C12orf42: variants seen among roughly 807,000 people sequenced by gnomAD.
C12orf42 encodes uncharacterized protein C12orf42.
A neutral mutation model predicts 21.6 loss-of-function variants in C12orf42; 25 were observed. That is an observed-to-expected ratio of 1.16 (90% CI 0.84 to 1.62). The LOEUF (loss-of-function observed/expected upper bound fraction) is 1.62. Among genes scored for constraint, C12orf42 ranks in the 40% most tolerant of loss-of-function variants. The probability of loss-of-function intolerance (pLI) is 0.00; values close to 1 mark genes in which losing one functional copy is unlikely to be tolerated. For missense variants in C12orf42, 483 were observed against 459.3 expected (o/e 1.05, Z -0.47); for synonymous variants, 174 against 175.0 (o/e 0.99, Z 0.05).
At chr12:103,182,283 G>A in the C12orf42 span, among the ~76,000 whole-genome samples, 1 of 152,098 alleles carries the variant, frequency 6.6e-6, no homozygotes, top group Non-Finnish European at 1.5e-5. Flanking sequence ...GCATTTATTG[G>A]TCTTTTAAGG....
At chr12:103,205,194 C>G in the C12orf42 span, among the ~76,000 whole-genome samples, 3 of 152,106 alleles carry the variant, frequency 2.0e-5, no homozygotes, top group African/African-American at 7.2e-5. Context: ...ATAAGCTGTT[C>G]GATGTTATCT....
chr12:103,461,666 T>C (rs1952710344), intron 2 of C12orf42, among the ~76,000 whole-genome samples: 2 of 152,316 alleles, frequency 1.3e-5, no homozygotes, highest in East Asian at 3.9e-4. Context: ...TGATTAGCTG[T>C]GTGACCTGGA....
At chr12:103,059,001 A>C in the C12orf42 span, among the ~76,000 whole-genome samples, 2 of 152,160 alleles carry the variant, frequency 1.3e-5, no homozygotes, top group African/African-American at 4.8e-5. Context: ...GGAGATAGAG[A>C]CATGAAAAAC....
the C12orf42 span, among the ~76,000 whole-genome samples, chr12:103,196,671 A>T: frequency 2.0e-5 from 3 of 151,974 alleles, no homozygotes; most frequent in African/African-American, 7.3e-5. Flanking sequence ...TTATTACGCA[A>T]TACCCTTATT....
the C12orf42 span, among the ~76,000 whole-genome samples, chr12:103,177,547 G>C: frequency 5.3e-5 from 8 of 152,140 alleles, no homozygotes; most frequent in African/African-American, 1.7e-4. Context: ...GTTCTATATG[G>C]GGGAAAGAAA....
At chr12:103,324,651 C>T (rs1415890502) in intron 4 of C12orf42, among the ~76,000 whole-genome samples, 1 of 152,144 alleles carries the variant, frequency 6.6e-6, no homozygotes, top group Non-Finnish European at 1.5e-5. Flanking sequence ...CTATTCATTT[C>T]CATAAAAATA....
In C12orf42 at chr12:103,309,724, T is replaced by C. The variant is rs2038770278; in HGVS notation, c.260-3379A>G. 3.3e-5 allele frequency among the ~76,000 whole-genome samples: 5 copies of C among 152,256 alleles called. No individual in the cohort carries two copies. In the South Asian group the frequency reaches 1.0e-3, roughly 31 times the overall value. Reference sequence around the variant, plus strand: ...GGAAAAAGTTAGAGTTCTTGATTTCTACCAGGTAGAAGCAACCGTGCTGGA... The same window carrying C: ...GGAAAAAGTTAGAGTTCTTGATTTCCACCAGGTAGAAGCAACCGTGCTGGA... On this transcript the variant is annotated intron_variant, in intron 4 of 5. Coordinates refer to ENST00000548883, the MANE Select transcript of C12orf42 (RefSeq NM_198521.5).
intron 4 of C12orf42, among the ~76,000 whole-genome samples, chr12:103,354,663 A>C (rs1219531826): frequency 6.6e-6 from 1 of 152,158 alleles, no homozygotes; most frequent in African/African-American, 2.4e-5. Context: ...ATTATAGATA[A>C]ATAGGAAGAA....
chr12:103,378,582 G>C (rs2045905392), intron 3 of C12orf42: 1 of 152,318 alleles, frequency 6.6e-6, no homozygotes, highest in African/African-American at 2.4e-5. Flanking sequence ...AGAGAGAGGG[G>C]ATTCTACCTC....
the C12orf42 span, among the ~76,000 whole-genome samples, chr12:103,128,755 AT>A: frequency 6.6e-6 from 1 of 152,206 alleles, no homozygotes; most frequent in Non-Finnish European, 1.5e-5. Context: ...TATTTCCATT[AT>A]TCTGATCACT....
chr12:103,086,109 A>G, the C12orf42 span, among the ~76,000 whole-genome samples: 7 of 152,100 alleles, frequency 4.6e-5, no homozygotes, highest in Non-Finnish European at 1.0e-4. Flanking sequence ...TAAACAATCT[A>G]TTTGCTTTTT....
At chr12:103,089,100 T>A in the C12orf42 span, among the ~76,000 whole-genome samples, 1 of 17,280 alleles carries the variant, frequency 5.8e-5, no homozygotes, top group African/African-American at 8.7e-4. Flanking sequence ...AGACTCCATC[T>A]CAAAAAAAAA....
At chr12:103,532,317 T>TA in the C12orf42 span, among the ~76,000 whole-genome samples, 1 of 152,320 alleles carries the variant, frequency 6.6e-6, no homozygotes, top group East Asian at 1.9e-4. Context: ...AAAACGTTTA[T>TA]AACATACAAA....
chr12:103,251,427 A>G (rs1230438023), intron 10 of C12orf42, among the ~76,000 whole-genome samples: 8 of 152,158 alleles, frequency 5.3e-5, no homozygotes, highest in Non-Finnish European at 1.0e-4. Flanking sequence ...TTTCTATAAT[A>G]CATTCCTTAA....
chr12:103,425,552 G>GA (rs1420572120), intron 2 of C12orf42, among the ~76,000 whole-genome samples: 1 of 152,204 alleles, frequency 6.6e-6, no homozygotes, highest in Non-Finnish European at 1.5e-5. Flanking sequence ...ACAGGGTCTG[G>GA]AGTGGACCTC....
intron 2 of C12orf42, among the ~76,000 whole-genome samples, chr12:103,444,210 C>A (rs1951437041): frequency 6.6e-6 from 1 of 151,942 alleles, no homozygotes; most frequent in Non-Finnish European, 1.5e-5. Context: ...AAGCTTAGTT[C>A]ATTTTTATAC....
the C12orf42 span, among the ~76,000 whole-genome samples, chr12:103,220,459 T>G: frequency 6.2e-4 from 95 of 152,288 alleles, 1 homozygote; most frequent in Admixed American, 2.5e-3. Context: ...TACAGATTTT[T>G]TCATGAAACT....
chr12:103,555,443 C>T, the C12orf42 span, among the ~76,000 whole-genome samples: 1 of 152,130 alleles, frequency 6.6e-6, no homozygotes, highest in Admixed American at 6.5e-5. Context: ...GGGTCTCCTA[C>T]AACATGTGGA....
At chr12:103,370,830 G>T (rs1161753150) in intron 3 of C12orf42, among the ~76,000 whole-genome samples, 1 of 151,890 alleles carries the variant, frequency 6.6e-6, no homozygotes, top group Non-Finnish European at 1.5e-5. Context: ...AACCCCTGTG[G>T]TACACAGTTC....
Sources: gnomAD v4.1 joint callset for allele counts (sites outside exome capture counted in the v4.1 genomes callset) on GRCh38, gnomAD v4.1.1 for gene constraint, MANE v1.5 for transcripts, NCBI Gene and HGNC (gene_info 2026-07-23, HGNC 2026-07-21) for gene names.